Variants in CEP112 observed in about 807,000 individuals in gnomAD.
The protein encoded by CEP112 is centrosomal protein 112.
A neutral mutation model predicts 153.0 loss-of-function variants in CEP112; 127 were observed. The ratio of observed to expected loss-of-function variants is 0.83; its 90% confidence interval spans 0.72 to 0.96. CEP112 has a LOEUF of 0.96. Ranked by LOEUF, CEP112 falls within the 40% of genes least tolerant of loss-of-function variation. The probability of loss-of-function intolerance (pLI) is 0.00; values close to 1 mark genes in which losing one functional copy is unlikely to be tolerated. For missense variants in CEP112, 1,089 were observed against 1,101.2 expected, an observed-to-expected ratio of 0.99 and a Z score of 0.16; for synonymous variants, 358 against 374.4, an observed-to-expected ratio of 0.96 and a Z score of 0.51.
At chr17:65,925,263 T>C (rs1002309523) in intron 19 of CEP112, among the ~76,000 whole-genome samples, 3 of 152,220 alleles carry the variant, frequency 2.0e-5, no homozygotes, top group Admixed American at 6.5e-5. Flanking sequence ...CTTCTCCTTC[T>C]GCCATGATTG....
At chr17:65,680,934 G>C (rs1419692937) in intron 24 of CEP112, among the ~76,000 whole-genome samples, 2 of 152,100 alleles carry the variant, frequency 1.3e-5, no homozygotes, top group Non-Finnish European at 2.9e-5. Context: ...GGGGGAAACT[G>C]CCCGCCATGA....
intron 19 of CEP112, among the ~76,000 whole-genome samples, chr17:65,919,555 C>G (rs1004473670): frequency 3.9e-5 from 6 of 152,136 alleles, no homozygotes; most frequent in African/African-American, 1.4e-4. Context: ...TCCAGCCAGA[C>G]AGGTACCTAA....
rs1315484690 is a variant in CEP112, at chr17:65,969,388, A to G, written c.1737-7790T>C. 2.6e-5 allele frequency among the ~76,000 whole-genome samples: 4 copies of G among 152,336 alleles called. No homozygotes were observed. The South Asian group carries it at 6.2e-4, about 24-fold the overall frequency. ...TTAACGTATTACATGTACATTGCAT[A>G]ATACATACCACATGCATATCACATA... On this transcript the variant is annotated intron_variant, in intron 17 of 26. Transcript: ENST00000535342.
At chr17:65,693,525 A>G (rs1330227820) in intron 23 of CEP112, among the ~76,000 whole-genome samples, 1 of 151,930 alleles carries the variant, frequency 6.6e-6, no homozygotes, top group African/African-American at 2.4e-5. Context: ...GGTGATGGAT[A>G]TGGAGAAGGG....
intron 22 of CEP112, among the ~76,000 whole-genome samples, chr17:65,746,165 C>CAAAAAAAAAAAAAAAAAAAAAAAA (rs56361589): frequency 6.1e-5 from 3 of 49,480 alleles, no homozygotes; most frequent in African/African-American, 9.0e-5. Context: ...AACTCCATCT[C>CAAAAAAAAAAAAAAAAAAAAAAAA]AAAAAAAAAA....
rs780751558 is a variant in CEP112, at chr17:66,129,823, C to T, written c.565G>A (p.Glu189Lys). ...ACAGGAGATTTTTTCGAATAAACTT[C>T]CTGAAATACAAAAGGGAAAAAGGAA... ...DGQNITPKIC[E>K]VYSKKSPVSL... Residue 189 changes from glutamate to lysine, a missense_variant and splice_region_variant, in exon 6 of 27, where the codon GAA becomes AAA. Glu to Lys is a moderately conservative substitution (Grantham distance 56). Coordinates refer to ENST00000535342, the MANE Select transcript of CEP112 (RefSeq NM_001199165.4). 2.3e-5 allele frequency: 36 copies of T among 1,597,030 alleles called. No individual in the cohort carries two copies. Among genetic ancestry groups the T allele is most frequent in the Non-Finnish European group, 2.9e-5 (34 of 1,167,208 alleles).
rs143835325 is a variant in CEP112, at chr17:65,639,418, G to T, written c.2799+1546C>A. Among the ~76,000 whole-genome samples the T allele has an allele frequency of 2.0e-5, 3 of 152,224 alleles. No individual in the cohort carries two copies. The East Asian group carries it at 5.8e-4, about 29-fold the overall frequency. ...AACTTCAAAGTGGGCTGGGCACGGTGGCTCATGCTTGCAAAATGAGGCTGA... is the reference window on the plus strand; with the variant it reads ...AACTTCAAAGTGGGCTGGGCACGGTTGCTCATGCTTGCAAAATGAGGCTGA... On this transcript the variant is annotated intron_variant, in intron 25 of 26. Transcript: ENST00000535342.
rs73336708 is a variant in CEP112 at position 66,180,244 on chromosome 17, T to C, written c.106+2950A>G. Among the ~76,000 whole-genome samples, 1,308 of 152,208 alleles carry C rather than the reference T, an allele frequency of 8.6e-3. 17 individuals are homozygous for C. The highest frequency in any genetic ancestry group is 0.03 in the African/African-American group (1,240 of 41,550). ...TTCCTCCCTCCTCTATTTTTTTGAA[T>C]AGTTTGAGTAAGATTGGTATTAGTT... On this transcript the variant is annotated intron_variant, in intron 2 of 26. Coordinates refer to ENST00000535342, the MANE Select transcript of CEP112 (RefSeq NM_001199165.4).
At chr17:65,711,515 C>A (rs1342046038) in intron 23 of CEP112, among the ~76,000 whole-genome samples, 1 of 152,196 alleles carries the variant, frequency 6.6e-6, no homozygotes, top group African/African-American at 2.4e-5. Context: ...AAATGGGCAA[C>A]CATATTTACC....
intron 21 of CEP112, among the ~76,000 whole-genome samples, chr17:65,833,324 C>T (rs1312222231): frequency 6.6e-6 from 1 of 152,122 alleles, no homozygotes; most frequent in Non-Finnish European, 1.5e-5. Context: ...CTCACCACTC[C>T]TATTCACCAC....
intron 24 of CEP112, among the ~76,000 whole-genome samples, chr17:65,687,160 A>AT (rs35675811): frequency 0.025 from 2,244 of 90,128 alleles, 23 homozygotes; most frequent in Non-Finnish European, 0.032. Flanking sequence ...GTTATTATTA[A>AT]TTTTTTTTTT....
intron 6 of CEP112, among the ~76,000 whole-genome samples, chr17:66,122,366 AT>A (rs1194411212): frequency 6.6e-6 from 1 of 151,860 alleles, no homozygotes; most frequent in African/African-American, 2.4e-5. Context: ...ATGTCTTATA[AT>A]TTTTTTTCTT....
intron 17 of CEP112, among the ~76,000 whole-genome samples, chr17:66,003,404 A>G (rs2064141378): frequency 6.6e-6 from 1 of 152,316 alleles, no homozygotes; most frequent in South Asian, 2.1e-4. Context: ...TTATATACAT[A>G]AACTCCTAAT....
chr17:65,795,879 TG>T (rs2054883183), intron 21 of CEP112, among the ~76,000 whole-genome samples: 1 of 152,102 alleles, frequency 6.6e-6, no homozygotes, highest in African/African-American at 2.4e-5. Flanking sequence ...AAATCTTCAA[TG>T]GTGCCTAATC....
chr17:65,851,741 G>A (rs765371162), intron 21 of CEP112, 63 bp downstream of exon 21: 6 of 1,123,532 alleles, frequency 5.3e-6, no homozygotes, highest in African/African-American at 1.5e-5. Flanking sequence ...ATATAAGGGT[G>A]GTGGCAATGG....
chr17:66,173,167 A>G (rs958724748), intron 4 of CEP112, among the ~76,000 whole-genome samples: 3 of 152,174 alleles, frequency 2.0e-5, no homozygotes, highest in African/African-American at 7.2e-5. Context: ...ACCCTACTTA[A>G]AGGGGAAAAA....
intron 24 of CEP112, among the ~76,000 whole-genome samples, chr17:65,649,765 A>T (rs917775009): frequency 1.3e-5 from 2 of 151,094 alleles, no homozygotes; most frequent in African/African-American, 4.9e-5. Context: ...ACAAAGCCCA[A>T]CAAGCATTTC....
intron 18 of CEP112, among the ~76,000 whole-genome samples, chr17:65,944,335 A>C (rs2061587236): frequency 6.6e-6 from 1 of 152,186 alleles, no homozygotes; most frequent in African/African-American, 2.4e-5. Flanking sequence ...ATCAAATTAC[A>C]TTTTTTAGAA....
chr17:66,006,470 G>A (rs1808921), intron 16 of CEP112, among the ~76,000 whole-genome samples: 61,972 of 151,376 alleles, frequency 0.41, 14,073 homozygotes, highest in East Asian at 0.87. Context: ...GCCGGGCATG[G>A]TAGCGCACGC....
Sources: allele counts gnomAD v4.1 joint callset (sites outside exome capture counted in the v4.1 genomes callset), GRCh38; gene constraint gnomAD v4.1.1; transcripts MANE v1.5; gene names NCBI Gene and HGNC (gene_info 2026-07-23, HGNC 2026-07-21).